Variants in SLC13A4 observed in about 807,000 individuals in gnomAD.
The protein encoded by SLC13A4 is Na(+)/sulfate cotransporter SUT-1.
In SLC13A4, 28 loss-of-function variants were observed where a neutral mutation model predicts 72.7. That is an observed-to-expected ratio of 0.39 (90% CI 0.29 to 0.53). The LOEUF (loss-of-function observed/expected upper bound fraction) is 0.53, where lower values mean the gene tolerates loss of function less well. Ranked by LOEUF, SLC13A4 falls within the 20% of genes least tolerant of loss-of-function variation. The pLI is 0.78. For synonymous variants in SLC13A4, 312 were observed against 325.5 expected, an observed-to-expected ratio of 0.96 and a Z score of 0.45; for missense variants, 653 against 788.0, an observed-to-expected ratio of 0.83 and a Z score of 2.05.
intron 2 of SLC13A4, among the ~76,000 whole-genome samples, chr7:135,719,342 T>C (rs1024097363): frequency 6.6e-6 from 1 of 152,226 alleles, no homozygotes; most frequent in African/African-American, 2.4e-5. Context: ...GCTTTTGGGC[T>C]GCCTATAGTG....
At chr7:135,692,458 CTG>C in intron 10 of SLC13A4, 34 bp from the exon 11 acceptor site, 1 of 1,488,728 alleles carries the variant, frequency 6.7e-7, no homozygotes, top group Non-Finnish European at 9.2e-7. Flanking sequence ...CACTCAGGAA[CTG>C]AGAAATTTCT....
chr7:135,693,119 A>AAAAAAAAAAAG (rs1795828104), intron 10 of SLC13A4: 1 of 151,658 alleles, frequency 6.6e-6, no homozygotes, highest in Non-Finnish European at 1.5e-5. Context: ...AAAAAAAAAA[A>AAAAAAAAAAAG]AAAAAATAGT....
intron 2 of SLC13A4, among the ~76,000 whole-genome samples, chr7:135,720,130 A>G (rs1266489207): frequency 6.6e-6 from 1 of 152,216 alleles, no homozygotes; most frequent in African/African-American, 2.4e-5. Context: ...TGTCCATTAA[A>G]GCATCCATAG....
At chr7:135,689,973 A>T (rs1584717521) in intron 13 of SLC13A4, among the ~76,000 whole-genome samples, 1 of 152,082 alleles carries the variant, frequency 6.6e-6, no homozygotes, top group African/African-American at 2.4e-5. Context: ...TGAGGCCAGG[A>T]GTTCAAGACC....
At chr7:135,702,769 A>C (rs1194941043) in intron 6 of SLC13A4, 76 bp downstream of exon 6, 6 of 1,240,290 alleles carry the variant, frequency 4.8e-6, no homozygotes, top group Non-Finnish European at 7.1e-6. Flanking sequence ...TCTGGTTCTG[A>C]ATCTTGGGTT....
chr7:135,713,124 AC>A (rs1796340103), intron 2 of SLC13A4, among the ~76,000 whole-genome samples: 1 of 152,172 alleles, frequency 6.6e-6, no homozygotes, highest in Non-Finnish European at 1.5e-5. Context: ...TCCCAGACTC[AC>A]ATCCTGTGAG....
intron 8 of SLC13A4, among the ~76,000 whole-genome samples, chr7:135,696,752 G>C (rs3112339): frequency 0.25 from 38,482 of 152,056 alleles, 5,419 homozygotes; most frequent in East Asian, 0.44. Context: ...CCAGAATCTG[G>C]CTGCTTCTCC....
intron 1 of SLC13A4, among the ~76,000 whole-genome samples, chr7:135,727,081 G>A (rs1043940422): frequency 1.3e-5 from 2 of 152,216 alleles, no homozygotes; most frequent in Non-Finnish European, 2.9e-5. Flanking sequence ...CATGGGTGTC[G>A]CTGGCCCCCG....
intron 1 of SLC13A4, among the ~76,000 whole-genome samples, chr7:135,723,422 G>A (rs1723852080): frequency 6.6e-6 from 1 of 152,138 alleles, no homozygotes; most frequent in African/African-American, 2.4e-5. Flanking sequence ...TGTTAAGACA[G>A]GTTACCGCCT....
intron 2 of SLC13A4, among the ~76,000 whole-genome samples, chr7:135,715,186 TAA>T (rs1315290129): frequency 2.6e-5 from 4 of 151,540 alleles, no homozygotes; most frequent in Admixed American, 6.6e-5. Flanking sequence ...TATGGGTATA[TAA>T]GTGTGTATGA....
intron 2 of SLC13A4, 35 bp from the exon 3 acceptor site, chr7:135,708,285 G>A (rs1336341212): frequency 4.3e-6 from 7 of 1,612,978 alleles, no homozygotes; most frequent in East Asian, 2.2e-5. Flanking sequence ...TCACCCTCCC[G>A]GACCAAAGAC....
intron 8 of SLC13A4, 69 bp from the exon 9 acceptor site, chr7:135,695,556 G>A (rs898282574): frequency 5.9e-6 from 9 of 1,527,040 alleles, no homozygotes; most frequent in Non-Finnish European, 5.3e-6. Context: ...GGGGTAGTAT[G>A]CCAAATGCTC....
At position 135,701,670 on chromosome 7, in the gene SLC13A4, G is replaced by A. The variant is rs767664941; in HGVS notation, c.714+10C>T. 47 of 1,613,096 alleles carry A rather than the reference G, an allele frequency of 2.9e-5. No homozygotes were observed. The South Asian group carries it at 3.7e-4, about 13-fold the overall frequency. On this transcript the variant is annotated intron_variant, in intron 7 of 15. Coordinates refer to ENST00000682651, the MANE Select transcript of SLC13A4 (RefSeq NM_001318192.2). ...GTAGGAAACAGAGCTAGAAGGGGCC[G>A]TTCTATTACCTGGGATGGGTGTTGC...
chr7:135,709,104 T>G (rs1796239108), intron 2 of SLC13A4, among the ~76,000 whole-genome samples: 1 of 151,800 alleles, frequency 6.6e-6, no homozygotes, highest in Non-Finnish European at 1.5e-5. Context: ...TAATTTTTTT[T>G]GTATTTTTAG....
intron 2 of SLC13A4, among the ~76,000 whole-genome samples, chr7:135,709,481 A>G (rs1424140314): frequency 6.6e-6 from 1 of 150,596 alleles, no homozygotes; most frequent in African/African-American, 2.4e-5. Context: ...GTGCAGTGGC[A>G]TGATCACAGC....
chr7:135,684,113 C>T lies in SLC13A4; in HGVS notation c.1746+11G>A. 2 of 1,591,154 alleles carry T rather than the reference C, an allele frequency of 1.3e-6. No individual in the cohort carries two copies. Among genetic ancestry groups the T allele is most frequent in the Non-Finnish European group, 1.7e-6 (2 of 1,164,682 alleles). Reference sequence around the variant, plus strand: ...AGCTGGGCCTGGCAGGGAGAGGGCACCCCAACTCACCATATCTTTGATCTG... The same window carrying T: ...AGCTGGGCCTGGCAGGGAGAGGGCATCCCAACTCACCATATCTTTGATCTG... On this transcript the variant is annotated intron_variant, in intron 15 of 15. Coordinates refer to ENST00000682651, the MANE Select transcript of SLC13A4 (RefSeq NM_001318192.2).
chr7:135,715,174 T>G (rs1796392079), intron 2 of SLC13A4, among the ~76,000 whole-genome samples: 1 of 151,502 alleles, frequency 6.6e-6, no homozygotes, highest in South Asian at 2.1e-4. Context: ...TATATATGTG[T>G]ATATGGGTAT....
rs150811537 is a variant in SLC13A4, at chr7:135,721,473, C to G, written c.150G>C (p.Ser50=). The stretch of plus-strand genomic sequence containing the variant: ...CTGCAGCTCCCAGAGGCACTGCCTC[C>G]GACACCCAGTACACAGCAGTCACGA... ...VLIVTAVYWV[S]EAVPLGAAAL... Residue 50 remains serine, a synonymous_variant, in exon 2 of 16, where the codon TCG becomes TCC. Transcript: ENST00000682651. 20 of 1,613,966 alleles carry G rather than the reference C, an allele frequency of 1.2e-5. No homozygotes were observed. The highest frequency in any genetic ancestry group is 1.6e-5 in the Non-Finnish European group (19 of 1,179,974).
Position 135,691,610 on chromosome 7 carries a change from A to G in SLC13A4, c.1259T>C (p.Phe420Ser). 6.2e-7 allele frequency: 1 copy of G among 1,613,966 alleles called. No homozygotes were observed. Among genetic ancestry groups the G allele is most frequent in the East Asian group, 2.2e-5 (1 of 44,888 alleles). ...GYRTDATVSV[F>S]LGFLLFLIPA... ...AATGAGGAAGAGGAGGAAGCCAAGGAAGACAGAGACTGTGGCATCAGTACG... is the reference window on the plus strand; with the variant it reads ...AATGAGGAAGAGGAGGAAGCCAAGGGAGACAGAGACTGTGGCATCAGTACG... The change falls in exon 12 of 16, where the codon TTC (phenylalanine) becomes TCC (serine). Residue 420 changes from phenylalanine (F) to serine (S), a missense_variant. Coordinates refer to ENST00000682651, the MANE Select transcript of SLC13A4 (RefSeq NM_001318192.2).
Sources: gnomAD v4.1 joint callset for allele counts (sites outside exome capture counted in the v4.1 genomes callset) on GRCh38, gnomAD v4.1.1 for gene constraint, MANE v1.5 for transcripts, NCBI Gene and HGNC (gene_info 2026-07-23, HGNC 2026-07-21) for gene names.